RORA: variants seen among roughly 807,000 people sequenced by gnomAD.
RORA encodes the protein RAR related orphan receptor A, also known as nuclear receptor ROR-alpha.
In RORA, 7 loss-of-function variants were observed where a neutral mutation model predicts 69.5. The observed-to-expected ratio is 0.10, with a 90% CI of 0.06 to 0.19. The LOEUF is 0.19. Among genes scored for constraint, RORA ranks in the 10% least tolerant of loss-of-function variants. The pLI is 1.00. For synonymous variants in RORA, 261 were observed against 240.8 expected, an observed-to-expected ratio of 1.08 and a Z score of -0.78; for missense variants, 457 against 663.0, an observed-to-expected ratio of 0.69 and a Z score of 3.41.
At chr15:60,742,432 G>A (rs1039181277) in intron 1 of RORA, among the ~76,000 whole-genome samples, 2 of 152,128 alleles carry the variant, frequency 1.3e-5, no homozygotes, top group African/African-American at 4.8e-5. Flanking sequence ...ATACACAGTC[G>A]AATGGCAAAA....
intron 1 of RORA, among the ~76,000 whole-genome samples, chr15:60,742,010 T>C (rs2071581552): frequency 6.6e-6 from 1 of 152,110 alleles, no homozygotes; most frequent in African/African-American, 2.4e-5. Flanking sequence ...TTCTGTAACT[T>C]CTGAAACCCA....
chr15:61,077,063 C>T (rs1244104055), intron 1 of RORA, among the ~76,000 whole-genome samples: 1 of 152,002 alleles, frequency 6.6e-6, no homozygotes, highest in South Asian at 2.1e-4. Context: ...ATGCCTTAAA[C>T]GGAGAAAACA....
chr15:61,147,765 G>GCGCA lies in RORA; in HGVS notation c.166+81287_166+81288insTGCG, dbSNP rs1555414879. 7.3e-6 allele frequency among the ~76,000 whole-genome samples: 1 copy of GCGCA among 136,210 alleles called. No homozygotes were observed. The highest frequency in any genetic ancestry group is 1.5e-5 in the Non-Finnish European group (1 of 65,108). The allele number at this position is 136,210 out of a possible 152,430, so 89.4% of individuals were successfully genotyped here. On this transcript the variant is annotated intron_variant, in intron 1 of 10. Coordinates refer to ENST00000335670, the MANE Select transcript of RORA (RefSeq NM_134261.3). The surrounding 1 kb of genome is among the most constrained non-coding windows in gnomAD (Gnocchi z 4.1). Reference sequence around the variant, plus strand: ...ATGGTCAGTAGGCACGTGCGCACACGCGTGTGTGTGTGTGTGTGTGTGTGT... The same window carrying GCGCA: ...ATGGTCAGTAGGCACGTGCGCACACGCGCACGTGTGTGTGTGTGTGTGTGTGTGT...
At chr15:61,104,595 A>G (rs778809364) in intron 1 of RORA, among the ~76,000 whole-genome samples, 12 of 152,180 alleles carry the variant, frequency 7.9e-5, no homozygotes, top group Admixed American at 2.0e-4. Flanking sequence ...GATGAGATTT[A>G]GCTTTTGCCT....
chr15:60,766,620 T>C (rs1169133165), intron 1 of RORA, among the ~76,000 whole-genome samples: 5 of 151,942 alleles, frequency 3.3e-5, no homozygotes, highest in Admixed American at 6.6e-5. Context: ...CACTCGCCTA[T>C]TGTAACTTGC....
intron 1 of RORA, among the ~76,000 whole-genome samples, chr15:61,197,435 C>T (rs1289249254): frequency 6.6e-6 from 1 of 152,146 alleles, no homozygotes; most frequent in Non-Finnish European, 1.5e-5. Context: ...ATGTGGCTCA[C>T]GAGGAGCCCA....
intron 1 of RORA, among the ~76,000 whole-genome samples, chr15:60,897,056 G>A (rs1891248955): frequency 1.3e-5 from 2 of 152,166 alleles, no homozygotes; most frequent in Non-Finnish European, 1.5e-5. Flanking sequence ...CCTGGGGTCT[G>A]GGGTGGGGTG....
intron 1 of RORA, among the ~76,000 whole-genome samples, chr15:61,177,108 G>A (rs1405558017): frequency 1.3e-5 from 2 of 152,174 alleles, no homozygotes; most frequent in Admixed American, 6.5e-5. Flanking sequence ...TGTTTATAAC[G>A]CACCTTCTGT....
At chr15:60,700,337 T>C (rs1484464940) in intron 1 of RORA, among the ~76,000 whole-genome samples, 1 of 152,202 alleles carries the variant, frequency 6.6e-6, no homozygotes, top group Non-Finnish European at 1.5e-5. Flanking sequence ...AGCAGGGTAG[T>C]TGACCTTCGA....
intron 1 of RORA, among the ~76,000 whole-genome samples, chr15:61,168,557 C>T (rs2079558039): frequency 6.6e-6 from 1 of 151,990 alleles, no homozygotes; most frequent in Non-Finnish European, 1.5e-5. Context: ...CTGTGCCTGG[C>T]CCTTGTATTA....
At chr15:61,011,906 T>A (rs1451925922) in intron 1 of RORA, among the ~76,000 whole-genome samples, 1 of 152,362 alleles carries the variant, frequency 6.6e-6, no homozygotes, top group African/African-American at 2.4e-5. Context: ...GCTTGCGCTC[T>A]GTTTTCTCCA....
intron 1 of RORA, among the ~76,000 whole-genome samples, chr15:60,832,948 A>T (rs2073064494): frequency 6.6e-6 from 1 of 151,722 alleles, no homozygotes; most frequent in South Asian, 2.1e-4. Context: ...TGTGTCGCCC[A>T]GGCTGGAGTG....
chr15:60,824,098 G>C (rs2072927794), intron 1 of RORA, among the ~76,000 whole-genome samples: 2 of 152,214 alleles, frequency 1.3e-5, no homozygotes, highest in Admixed American at 1.3e-4. Context: ...ATATATGTGA[G>C]CTGGCAGATC....
chr15:60,518,882 C>A (rs1438425317), intron 3 of RORA, among the ~76,000 whole-genome samples: 1 of 152,222 alleles, frequency 6.6e-6, no homozygotes, highest in African/African-American at 2.4e-5. Context: ...GCACTCCCTC[C>A]TTAATCGTCG....
rs1567181989 is a variant in RORA, at chr15:60,763,064, G to GTTTT, written c.167-84379_167-84378insAAAA. ...AAAAGTACTGTTTCCAATATGCACAGATTTTTTTTTTTTTTTTTTTTTTTT... is the reference window on the plus strand; with the variant it reads ...AAAAGTACTGTTTCCAATATGCACAGTTTTATTTTTTTTTTTTTTTTTTTTTTTT... On this transcript the variant is annotated intron_variant, in intron 1 of 10. Transcript: ENST00000335670. Among the ~76,000 whole-genome samples the GTTTT allele has an allele frequency of 1.5e-3, 61 of 40,204 alleles. 1 individual carries two copies. The highest frequency in any genetic ancestry group is 6.4e-3 in the African/African-American group (59 of 9,194). 26.4% of individuals were successfully genotyped at this position (40,204 alleles called of 152,430 possible). A position where few individuals can be genotyped will look rare whatever the true frequency, so the allele number is the denominator to read the frequency against.
At chr15:61,026,244 AT>A (rs1190721456) in intron 1 of RORA, among the ~76,000 whole-genome samples, 1 of 152,144 alleles carries the variant, frequency 6.6e-6, no homozygotes, top group East Asian at 1.9e-4. Flanking sequence ...GAGGCTCCGA[AT>A]TTTATAAAGT....
intron 1 of RORA, among the ~76,000 whole-genome samples, chr15:61,056,233 C>T (rs2083074): frequency 0.33 from 50,226 of 152,050 alleles, 8,392 homozygotes; most frequent in Non-Finnish European, 0.36. Context: ...GTAAGTATTC[C>T]TACATGGGCT....
intron 1 of RORA, among the ~76,000 whole-genome samples, chr15:60,831,939 G>A (rs1030673162): frequency 2.0e-5 from 3 of 152,178 alleles, no homozygotes; most frequent in African/African-American, 7.2e-5. Flanking sequence ...AATATGGTAG[G>A]AGGTACACAA....
chr15:61,162,649 C>T (rs4613007), intron 1 of RORA, among the ~76,000 whole-genome samples: 79,797 of 152,020 alleles, frequency 0.52, 22,267 homozygotes, highest in Non-Finnish European at 0.63. Context: ...CCTCTTACTA[C>T]GGCTAAAGAA....
Sources: gnomAD v4.1 joint callset for allele counts (sites outside exome capture counted in the v4.1 genomes callset) on GRCh38, gnomAD v4.1.1 for gene constraint, Gnocchi (gnomAD v3.1) non-coding constraint, MANE v1.5 for transcripts, NCBI Gene and HGNC (gene_info 2026-07-23, HGNC 2026-07-21) for gene names.